SPATS2: variants seen among roughly 807,000 people sequenced by gnomAD.
SPATS2 encodes spermatogenesis associated serine rich 2.
A neutral mutation model predicts 63.7 loss-of-function variants in SPATS2; 38 were observed. The ratio of observed to expected loss-of-function variants is 0.60; its 90% CI spans 0.46 to 0.78. The LOEUF is 0.78. Ranked by LOEUF, SPATS2 falls within the 30% of genes least tolerant of loss-of-function variation. The pLI is 0.00. For synonymous variants in SPATS2, 207 were observed against 232.9 expected, an observed-to-expected ratio of 0.89 and a Z score of 1.01; for missense variants, 588 against 666.2, an observed-to-expected ratio of 0.88 and a Z score of 1.29.
chr12:49,414,088 A>G (rs1359009124), intron 2 of SPATS2, among the ~76,000 whole-genome samples: 3 of 152,154 alleles, frequency 2.0e-5, no homozygotes, highest in Non-Finnish European at 4.4e-5. Flanking sequence ...TTTCCTGCCT[A>G]TAGAAGTTTG....
chr12:49,420,128 A>G (rs1389996759), intron 2 of SPATS2, among the ~76,000 whole-genome samples: 2 of 152,354 alleles, frequency 1.3e-5, no homozygotes, highest in East Asian at 3.9e-4. Flanking sequence ...GAGACAAGGC[A>G]CAAGTTTTGT....
intron 2 of SPATS2, among the ~76,000 whole-genome samples, chr12:49,383,375 A>G (rs1015716869): frequency 4.0e-5 from 6 of 151,568 alleles, no homozygotes; most frequent in Admixed American, 3.3e-4. Context: ...TTTTTAATAT[A>G]TGTGTCTTGG....
At chr12:49,415,610 C>T (rs1259254000) in intron 2 of SPATS2, among the ~76,000 whole-genome samples, 2 of 152,190 alleles carry the variant, frequency 1.3e-5, no homozygotes, top group Non-Finnish European at 2.9e-5. Flanking sequence ...TTCCACATTA[C>T]TGCAGATGAC....
At chr12:49,439,033 A>G (rs909348955) in intron 2 of SPATS2, among the ~76,000 whole-genome samples, 1 of 152,222 alleles carries the variant, frequency 6.6e-6, no homozygotes, top group African/African-American at 2.4e-5. Flanking sequence ...AACACAGGGT[A>G]AAGGAATAGG....
intron 2 of SPATS2, among the ~76,000 whole-genome samples, chr12:49,391,788 C>CAT (rs1944423442): frequency 6.6e-6 from 1 of 151,744 alleles, no homozygotes; most frequent in African/African-American, 2.4e-5. Flanking sequence ...TGTATAATTT[C>CAT]ATATACTGGT....
chr12:49,372,940 TTGTG>T (rs56940721), intron 2 of SPATS2, among the ~76,000 whole-genome samples: 17,524 of 129,516 alleles, frequency 0.14, 1,319 homozygotes, highest in Middle Eastern at 0.21. Context: ...ATTTTCTGTT[TTGTG>T]TGTGTGTGTG....
intron 2 of SPATS2, among the ~76,000 whole-genome samples, chr12:49,438,122 T>A (rs1945350494): frequency 6.6e-6 from 1 of 152,148 alleles, no homozygotes. Flanking sequence ...AGAGGAACAC[T>A]GTCCCTCCAG....
chr12:49,513,655 A>G (rs562873526), intron 9 of SPATS2, among the ~76,000 whole-genome samples: 1 of 152,296 alleles, frequency 6.6e-6, no homozygotes, highest in South Asian at 2.1e-4. Flanking sequence ...GTTTCTCAGA[A>G]ACTAGCACAC....
intron 2 of SPATS2, among the ~76,000 whole-genome samples, chr12:49,377,278 A>G (rs1340933179): frequency 6.6e-6 from 1 of 152,168 alleles, no homozygotes; most frequent in Non-Finnish European, 1.5e-5. Flanking sequence ...GATCCTATAA[A>G]TTAGACTATA....
intron 6 of SPATS2, among the ~76,000 whole-genome samples, chr12:49,492,755 C>T (rs1399833843): frequency 6.6e-6 from 1 of 151,948 alleles, no homozygotes; most frequent in Non-Finnish European, 1.5e-5. Flanking sequence ...ATATACATGA[C>T]CCAATGATAT....
upstream of SPATS2, chr12:49,367,364 C>G (rs1943916112): frequency 5.1e-6 from 2 of 392,760 alleles, no homozygotes; most frequent in Non-Finnish European, 9.0e-6. Flanking sequence ...GCTGGATCTC[C>G]GGCAGCATCC....
At chr12:49,508,525 A>G (rs965916287) in intron 9 of SPATS2, among the ~76,000 whole-genome samples, 24 of 152,004 alleles carry the variant, frequency 1.6e-4, no homozygotes, top group Non-Finnish European at 3.2e-4. Flanking sequence ...CCAAAATCAC[A>G]GTTTCAAATG....
At chr12:49,439,132 A>T (rs1945370836) in intron 2 of SPATS2, among the ~76,000 whole-genome samples, 2 of 152,226 alleles carry the variant, frequency 1.3e-5, no homozygotes, top group South Asian at 4.1e-4. Flanking sequence ...GATTCATGTG[A>T]ATCTAGGAGA....
chr12:49,489,418 A>G lies in SPATS2; in HGVS notation c.106-47A>G, dbSNP rs138522570. 1.6e-3 allele frequency: 2,341 copies of G among 1,487,548 alleles called. 2 individuals are homozygous for G. Among genetic ancestry groups the G allele is most frequent in the Non-Finnish European group, 2.1e-3 (2,202 of 1,068,140 alleles). The allele number at this position is 1,487,548 out of a possible 1,614,324, so 92.1% of individuals were successfully genotyped here. On this transcript the variant is annotated intron_variant, in intron 4 of 13. Coordinates refer to ENST00000552918, the MANE Select transcript of SPATS2 (RefSeq NM_023071.4). ...TTCTCTGTATAGGCCTCAGCTGCCT[A>G]GTGACCTACTAATGTTAGAATTAAA...
chr12:49,446,057 C>T (rs1211453780), intron 2 of SPATS2, among the ~76,000 whole-genome samples: 1 of 151,982 alleles, frequency 6.6e-6, no homozygotes, highest in Non-Finnish European at 1.5e-5. Context: ...GCACGCGCCA[C>T]CACACCCAGA....
intron 2 of SPATS2, among the ~76,000 whole-genome samples, chr12:49,437,571 C>T (rs368508932): frequency 6.6e-6 from 1 of 151,412 alleles, no homozygotes; most frequent in Non-Finnish European, 1.5e-5. Flanking sequence ...CTCCGTCTGC[C>T]ATCCCGGCAC....
intron 2 of SPATS2, among the ~76,000 whole-genome samples, chr12:49,439,906 CCA>C (rs1184994244): frequency 2.0e-5 from 3 of 152,146 alleles, no homozygotes; most frequent in Non-Finnish European, 2.9e-5. Flanking sequence ...AGAGGAGTTT[CCA>C]CTTATGTTGT....
intron 4 of SPATS2, among the ~76,000 whole-genome samples, chr12:49,485,218 C>A (rs868788467): frequency 6.6e-6 from 1 of 151,998 alleles, no homozygotes; most frequent in South Asian, 2.1e-4. Flanking sequence ...AGGCGCCCAC[C>A]ACCATGCCCG....
At chr12:49,468,437 G>A (rs1349807551) in intron 3 of SPATS2, among the ~76,000 whole-genome samples, 1 of 151,872 alleles carries the variant, frequency 6.6e-6, no homozygotes, top group African/African-American at 2.4e-5. Context: ...TGGGATTACA[G>A]GCGTGAACCA....
Sources: allele counts gnomAD v4.1 joint callset (sites outside exome capture counted in the v4.1 genomes callset), GRCh38; gene constraint gnomAD v4.1.1; transcripts MANE v1.5; gene names NCBI Gene and HGNC (gene_info 2026-07-23, HGNC 2026-07-21).